Variants in KIRREL3 observed in about 807,000 individuals in gnomAD.
KIRREL3 encodes kin of IRRE-like protein 3.
A neutral mutation model predicts 89.7 loss-of-function variants in KIRREL3; 36 were observed. The ratio of observed to expected loss-of-function variants is 0.40; its 90% CI spans 0.31 to 0.53. KIRREL3 has a LOEUF of 0.53. Among genes scored for constraint, KIRREL3 ranks in the 20% least tolerant of loss-of-function variants. The pLI is 0.49. For synonymous variants in KIRREL3, 445 were observed against 441.4 expected (o/e 1.01, Z -0.10); for missense variants, 864 against 1,056.6 (o/e 0.82, Z 2.53).
intron 7 of KIRREL3, among the ~76,000 whole-genome samples, chr11:126,451,191 GTGTGTGTGCA>G (rs752896290): frequency 1.7e-4 from 26 of 150,190 alleles, no homozygotes; most frequent in African/African-American, 4.7e-4. Context: ...GAATGTGGCC[GTGTGTGTGCA>G]TGTGTGTGCA....
rs755861046 is a variant in KIRREL3, at chr11:126,885,609, GAA to G, written c.55+114844_55+114845del. ...AAGTTATTCTCTGAGAAATAACTGAGAAAAAGCCAGAAATGCTGAATCTGCCT... is the reference window on the plus strand; with the variant it reads ...AAGTTATTCTCTGAGAAATAACTGAGAAAGCCAGAAATGCTGAATCTGCCT... On this transcript the variant is annotated intron_variant, in intron 1 of 16. Transcript: ENST00000525144. Among the ~76,000 whole-genome samples the G allele has an allele frequency of 8.5e-5, 13 of 152,282 alleles. No individual in the cohort carries two copies. The East Asian group carries it at 2.1e-3, about 25-fold the overall frequency.
chr11:126,424,646 G>C lies in KIRREL3; in HGVS notation c.2271C>G (p.Ser757=). 1 of 1,614,056 alleles carries C rather than the reference G, an allele frequency of 6.2e-7. No homozygotes were observed. Among genetic ancestry groups the C allele is most frequent in the Non-Finnish European group, 8.5e-7 (1 of 1,179,898 alleles). ...GGTCAGAGTTCTGGGACGAGGACTGGGAGTGGTGGGAGGAGGAAGCAGAAG... is the reference window on the plus strand; with the variant it reads ...GGTCAGAGTTCTGGGACGAGGACTGCGAGTGGTGGGAGGAGGAAGCAGAAG... ...SKASASSSHH[S]QSSSQNSDPS... The change falls in exon 17 of 17, where the codon TCC becomes TCG. Residue 757 remains serine (S), a synonymous_variant. Coordinates refer to ENST00000525144, the MANE Select transcript of KIRREL3 (RefSeq NM_032531.4).
At chr11:126,886,271 T>C (rs1192154970) in intron 1 of KIRREL3, among the ~76,000 whole-genome samples, 1 of 152,210 alleles carries the variant, frequency 6.6e-6, no homozygotes, top group East Asian at 1.9e-4. Context: ...ATGATGATAA[T>C]GGACTCACTA....
At chr11:126,481,255 C>T (rs1363645822) in intron 4 of KIRREL3, among the ~76,000 whole-genome samples, 1 of 152,220 alleles carries the variant, frequency 6.6e-6, no homozygotes, top group African/African-American at 2.4e-5. Flanking sequence ...TTTCTCCTTC[C>T]TCTCTGGTTG....
intron 1 of KIRREL3, among the ~76,000 whole-genome samples, chr11:126,901,523 G>A (rs1055552618): frequency 1.3e-5 from 2 of 152,166 alleles, no homozygotes. Flanking sequence ...ACAATTCAGT[G>A]AGCAACGATG....
At chr11:126,839,682 G>A (rs565843720) in intron 1 of KIRREL3, among the ~76,000 whole-genome samples, 1 of 152,294 alleles carries the variant, frequency 6.6e-6, no homozygotes, top group South Asian at 2.1e-4. Flanking sequence ...GAAGGTCTTT[G>A]CTGTGGTGGA....
rs1944254342 is a variant in KIRREL3, at chr11:126,636,075, C to T, written c.56-73163G>A. 6.6e-6 allele frequency among the ~76,000 whole-genome samples: 1 copy of T among 152,154 alleles called. No homozygotes were observed. The highest frequency in any genetic ancestry group is 1.5e-5 in the Non-Finnish European group (1 of 68,022). On this transcript the variant is annotated intron_variant, in intron 1 of 16. Coordinates refer to ENST00000525144, the MANE Select transcript of KIRREL3 (RefSeq NM_032531.4). This position sits in a 1 kb window ranked among gnomAD's most constrained non-coding sequence, Gnocchi z 4.4. ...CTTAGAGTGACAGAGATGGGGCTAC[C>T]TCACAACTCTGCCACTTACTATTTT...
chr11:126,625,082 A>G (rs1285847548), intron 1 of KIRREL3, among the ~76,000 whole-genome samples: 2 of 152,186 alleles, frequency 1.3e-5, no homozygotes, highest in Admixed American at 1.3e-4. Flanking sequence ...TGGAAACACT[A>G]CATATCCCTG....
At chr11:126,675,627 C>T (rs190900090) in intron 1 of KIRREL3, among the ~76,000 whole-genome samples, 45 of 152,266 alleles carry the variant, frequency 3.0e-4, no homozygotes, top group Non-Finnish European at 1.0e-4. Context: ...TGCCTACTGT[C>T]GTTGCCACTC....
intron 1 of KIRREL3, among the ~76,000 whole-genome samples, chr11:126,841,364 G>A (rs1943956337): frequency 6.6e-6 from 1 of 152,192 alleles, no homozygotes; most frequent in Non-Finnish European, 1.5e-5. Flanking sequence ...GAAGCCCCAG[G>A]AGGGCAAGGC....
intron 1 of KIRREL3, among the ~76,000 whole-genome samples, chr11:126,833,287 C>T (rs1191090707): frequency 6.6e-6 from 1 of 152,196 alleles, no homozygotes; most frequent in Non-Finnish European, 1.5e-5. Flanking sequence ...GAAATAGGCA[C>T]ACCCACACAT....
chr11:126,641,941 C>T lies in KIRREL3; in HGVS notation c.56-79029G>A, dbSNP rs1233307893. On this transcript the variant is annotated intron_variant, in intron 1 of 16. Transcript: ENST00000525144. The surrounding 1 kb of genome is among the most constrained non-coding windows in gnomAD (Gnocchi z 5.0). ...GTGTCAATTCTGCAACTTCAAGTGG[C>T]AGTTAGGGAAGGATCCTCTCTCCAT... Among the ~76,000 whole-genome samples the T allele has an allele frequency of 6.6e-6, 1 of 152,154 alleles. No homozygotes were observed. Among genetic ancestry groups the T allele is most frequent in the Non-Finnish European group, 1.5e-5 (1 of 68,030 alleles).
At chr11:126,533,733 G>C (rs898772744) in intron 2 of KIRREL3, among the ~76,000 whole-genome samples, 1 of 152,304 alleles carries the variant, frequency 6.6e-6, no homozygotes, top group Middle Eastern at 3.4e-3. Flanking sequence ...ACTGACCTGG[G>C]TTTGAATCCT....
chr11:126,672,554 C>T (rs531539117), intron 1 of KIRREL3, among the ~76,000 whole-genome samples: 2 of 152,030 alleles, frequency 1.3e-5, no homozygotes, highest in Non-Finnish European at 2.9e-5. Context: ...TTGCCAGGGG[C>T]GTGGGCAGAG....
intron 1 of KIRREL3, among the ~76,000 whole-genome samples, chr11:126,828,294 G>A (rs188963549): frequency 3.3e-4 from 50 of 152,218 alleles, no homozygotes; most frequent in Admixed American, 8.5e-4. Flanking sequence ...AGCCATGCTG[G>A]CAAGGTGATG....
chr11:126,647,395 A>G lies in KIRREL3; in HGVS notation c.56-84483T>C, dbSNP rs1324467169. On this transcript the variant is annotated intron_variant, in intron 1 of 16. Coordinates refer to ENST00000525144, the MANE Select transcript of KIRREL3 (RefSeq NM_032531.4). The surrounding 1 kb of genome is among the most constrained non-coding windows in gnomAD (Gnocchi z 4.9). The stretch of plus-strand genomic sequence containing the variant: ...AAACCCAGCCCCAGGAGGGAGACTG[A>G]GATATATGAGGTATACCCCTTTCCC... Among the ~76,000 whole-genome samples the G allele has an allele frequency of 6.6e-6, 1 of 152,220 alleles. No homozygotes were observed. Among genetic ancestry groups the G allele is most frequent in the African/African-American group, 2.4e-5 (1 of 41,458 alleles).
rs1240799183 is a variant in KIRREL3 at position 126,528,866 on chromosome 11, T to C, written c.134-2179A>G. 1.6e-5 allele frequency among the ~76,000 whole-genome samples: 1 copy of C among 61,784 alleles called. No homozygotes were observed. The highest frequency in any genetic ancestry group is 3.2e-5 in the Non-Finnish European group (1 of 31,418). 40.5% of individuals were successfully genotyped at this position (61,784 alleles called of 152,430 possible). On this transcript the variant is annotated intron_variant, in intron 2 of 16. Transcript: ENST00000525144. This position sits in a 1 kb window ranked among gnomAD's most constrained non-coding sequence, Gnocchi z 4.6. ...AGGGGCAGCATGGAGAGGGAGGGGG[T>C]GGGTGGAAAGGACTCCTTCTCTGGC...
In KIRREL3 at chr11:126,710,210, C is replaced by T. The variant is rs922650187; in HGVS notation, c.56-147298G>A. ...GGACCCCAGATCTGTCCACAGGCAG[C>T]AGGGCCCTGACCAACAGGTGGCTTC... On this transcript the variant is annotated intron_variant, in intron 1 of 16. Transcript: ENST00000525144. This position sits in a 1 kb window ranked among gnomAD's most constrained non-coding sequence, Gnocchi z 4.2. 2.0e-5 allele frequency among the ~76,000 whole-genome samples: 3 copies of T among 152,198 alleles called. No homozygotes were observed. Among genetic ancestry groups the T allele is most frequent in the Admixed American group, 6.5e-5 (1 of 15,282 alleles).
intron 1 of KIRREL3, among the ~76,000 whole-genome samples, chr11:126,681,268 T>G (rs540665541): frequency 2.8e-4 from 42 of 152,200 alleles, no homozygotes; most frequent in Non-Finnish European, 6.2e-4. Context: ...CCAGAATTTG[T>G]AGACCTTCCC....
Sources: allele counts gnomAD v4.1 joint callset (sites outside exome capture counted in the v4.1 genomes callset), GRCh38; gene constraint gnomAD v4.1.1; non-coding constraint Gnocchi (gnomAD v3.1); transcripts MANE v1.5; gene names NCBI Gene and HGNC (gene_info 2026-07-23, HGNC 2026-07-21).